Variants in PPM1H observed in about 807,000 individuals in gnomAD.
PPM1H encodes the protein protein phosphatase, Mg2+/Mn2+ dependent 1H.
A neutral mutation model predicts 54.9 loss-of-function variants in PPM1H; 27 were observed. The observed-to-expected ratio is 0.49, with a 90% CI of 0.36 to 0.68. PPM1H has a LOEUF of 0.68. Ranked by LOEUF, PPM1H falls within the 30% of genes least tolerant of loss-of-function variation. PPM1H has a pLI of 0.00. For missense variants in PPM1H, 596 were observed against 667.8 expected (o/e 0.89, Z 1.19); for synonymous variants, 305 against 270.8 (o/e 1.13, Z -1.24).
intron 2 of PPM1H, among the ~76,000 whole-genome samples, chr12:62,830,918 A>AG (rs754909845): frequency 2.0e-5 from 3 of 151,684 alleles, no homozygotes; most frequent in Non-Finnish European, 1.5e-5. Flanking sequence ...CAGTGGCGTG[A>AG]TCTCAGCTCA....
At chr12:62,842,776 T>C (rs1168473820) in intron 1 of PPM1H, among the ~76,000 whole-genome samples, 1 of 152,096 alleles carries the variant, frequency 6.6e-6, no homozygotes, top group Non-Finnish European at 1.5e-5. Context: ...GCAGGAAACA[T>C]GGGAGGGGCA....
chr12:62,874,665 G>A lies in PPM1H; in HGVS notation c.246-42386C>T, dbSNP rs556843866. Among the ~76,000 whole-genome samples, 80 of 152,304 alleles carry A rather than the reference G, an allele frequency of 5.3e-4. 1 individual carries two copies. Among genetic ancestry groups the A allele is most frequent in the African/African-American group, 1.7e-3 (72 of 41,562 alleles). The stretch of plus-strand genomic sequence containing the variant: ...TGCTGAGAACCATTTCCTAAGGTCA[G>A]AGATTTTTCCCTGCTTAGGAAAGTC... On this transcript the variant is annotated intron_variant, in intron 1 of 9. Transcript: ENST00000228705.
intron 8 of PPM1H, among the ~76,000 whole-genome samples, chr12:62,689,295 C>T (rs1262998683): frequency 6.6e-6 from 1 of 152,180 alleles, no homozygotes; most frequent in African/African-American, 2.4e-5. Flanking sequence ...TGCAGGAGAA[C>T]AAAGATCAGA....
At position 62,671,740 on chromosome 12, in the gene PPM1H, C is replaced by T. The variant is rs372574380; in HGVS notation, c.1246-4411G>A. Among the ~76,000 whole-genome samples, 3 of 152,172 alleles carry T rather than the reference C, an allele frequency of 2.0e-5. No homozygotes were observed. In the South Asian group the frequency reaches 6.2e-4, roughly 31 times the overall value. ...TGGGTCCCTTCTTGCACCTCCCCAA[C>T]CTTCTTTTGGATTCCTGTTACTCAG... is the stretch of plus-strand genomic sequence containing the variant. On this transcript the variant is annotated intron_variant, in intron 8 of 9. Transcript: ENST00000228705.
chr12:62,919,963 A>T (rs79816812), intron 1 of PPM1H, among the ~76,000 whole-genome samples: 5 of 152,164 alleles, frequency 3.3e-5, no homozygotes, highest in Non-Finnish European at 7.3e-5. Flanking sequence ...TTAAAAAAAA[A>T]TACATAAATA....
intron 2 of PPM1H, among the ~76,000 whole-genome samples, chr12:62,810,438 A>T (rs978044348): frequency 6.6e-6 from 1 of 152,180 alleles, no homozygotes; most frequent in African/African-American, 2.4e-5. Context: ...CCTCGTTCCT[A>T]CATAACCAGT....
intron 8 of PPM1H, among the ~76,000 whole-genome samples, chr12:62,687,132 A>G (rs2076057878): frequency 6.6e-6 from 1 of 152,276 alleles, no homozygotes; most frequent in African/African-American, 2.4e-5. Flanking sequence ...CATCAGTGGC[A>G]GAACTCCATG....
intron 2 of PPM1H, among the ~76,000 whole-genome samples, chr12:62,819,956 C>T (rs1044738652): frequency 2.0e-5 from 3 of 152,140 alleles, no homozygotes; most frequent in Non-Finnish European, 4.4e-5. Flanking sequence ...GAGGGCGAGC[C>T]GAAGCAGGGT....
intron 8 of PPM1H, among the ~76,000 whole-genome samples, chr12:62,678,968 G>A (rs191396168): frequency 6.6e-6 from 1 of 150,848 alleles, no homozygotes; most frequent in East Asian, 2.0e-4. Context: ...ATTACAGGCA[G>A]CAGCTACCAC....
intron 9 of PPM1H, among the ~76,000 whole-genome samples, chr12:62,652,057 C>T (rs1228775990): frequency 6.6e-6 from 1 of 152,144 alleles, no homozygotes; most frequent in Non-Finnish European, 1.5e-5. Context: ...TCATTAATTT[C>T]TTTTTACTTC....
At position 62,828,600 on chromosome 12, in the gene PPM1H, C is replaced by T. The variant is rs181628904; in HGVS notation, c.411+3514G>A. ...GCACACTATATTTTGTCTCCCTCTACGAATGGAAGCTCCCTCTAAGTAGGG... is the reference window on the plus strand; with the variant it reads ...GCACACTATATTTTGTCTCCCTCTATGAATGGAAGCTCCCTCTAAGTAGGG... On this transcript the variant is annotated intron_variant, in intron 2 of 9. Transcript: ENST00000228705. 8.5e-5 allele frequency among the ~76,000 whole-genome samples: 13 copies of T among 152,284 alleles called. 1 individual carries two copies. Among genetic ancestry groups the T allele is most frequent in the Admixed American group, 7.2e-4 (11 of 15,302 alleles).
At chr12:62,652,401 G>GTATT (rs5798652) in intron 9 of PPM1H, among the ~76,000 whole-genome samples, 61,625 of 151,654 alleles carry the variant, frequency 0.41, 12,680 homozygotes, top group South Asian at 0.52. Context: ...TATTTTAAGT[G>GTATT]TATTTTATTA....
chr12:62,832,528 TGATA>T (rs1868383376), intron 1 of PPM1H, among the ~76,000 whole-genome samples: 3 of 152,242 alleles, frequency 2.0e-5, no homozygotes, highest in Admixed American at 2.0e-4. Context: ...CACAGGTGTC[TGATA>T]GATGTGATCA....
At chr12:62,727,633 G>A (rs1270815356) in intron 5 of PPM1H, among the ~76,000 whole-genome samples, 1 of 91,528 alleles carries the variant, frequency 1.1e-5, no homozygotes, top group Non-Finnish European at 2.5e-5. Context: ...ATATTAAAAT[G>A]CAAATATTAT....
chr12:62,915,400 A>C (rs1025463014), intron 1 of PPM1H, among the ~76,000 whole-genome samples: 1 of 152,210 alleles, frequency 6.6e-6, no homozygotes, highest in Non-Finnish European at 1.5e-5. Flanking sequence ...TTCAATCAGG[A>C]ATGGTTGGAG....
At chr12:62,768,213 C>T (rs900860490) in intron 4 of PPM1H, among the ~76,000 whole-genome samples, 1 of 152,108 alleles carries the variant, frequency 6.6e-6, no homozygotes, top group Non-Finnish European at 1.5e-5. Context: ...TCCCTGTGCT[C>T]AGGAGAAAGG....
At chr12:62,664,499 T>C (rs2075905403) in intron 9 of PPM1H, among the ~76,000 whole-genome samples, 1 of 152,220 alleles carries the variant, frequency 6.6e-6, no homozygotes, top group South Asian at 2.1e-4. Flanking sequence ...CTTGTTTACT[T>C]AAAGCCTAAA....
At chr12:62,657,934 G>A (rs1046584278) in intron 9 of PPM1H, among the ~76,000 whole-genome samples, 2 of 151,756 alleles carry the variant, frequency 1.3e-5, no homozygotes, top group Non-Finnish European at 2.9e-5. Context: ...TCTCTCATTA[G>A]AGACATACTC....
At chr12:62,881,311 G>A (rs775679882) in intron 1 of PPM1H, among the ~76,000 whole-genome samples, 2 of 152,092 alleles carry the variant, frequency 1.3e-5, no homozygotes, top group African/African-American at 2.4e-5. Context: ...GCTGTGAAGG[G>A]ATTTTGCAGA....
Sources: allele counts gnomAD v4.1 joint callset (sites outside exome capture counted in the v4.1 genomes callset), GRCh38; gene constraint gnomAD v4.1.1; transcripts MANE v1.5; gene names NCBI Gene and HGNC (gene_info 2026-07-23, HGNC 2026-07-21).